MED16: variants seen among roughly 807,000 people sequenced by gnomAD.
MED16 encodes the protein mediator complex subunit 16.
MED16 carries 81 observed loss-of-function variants against 84.4 expected under a neutral mutation model. The ratio of observed to expected loss-of-function variants is 0.96; its 90% confidence interval spans 0.80 to 1.15. MED16 has a LOEUF of 1.15. Among genes scored for constraint, MED16 ranks in the 50% most tolerant of loss-of-function variants. MED16 has a pLI of 0.00. For missense variants in MED16, 1,585 were observed against 1,245.9 expected, an observed-to-expected ratio of 1.27 and a Z score of -4.10; for synonymous variants, 897 against 552.2, an observed-to-expected ratio of 1.62 and a Z score of -8.76.
At chr19:876,338 C>A (rs970533024) in intron 9 of MED16, among the ~76,000 whole-genome samples, 1 of 152,110 alleles carries the variant, frequency 6.6e-6, no homozygotes, top group South Asian at 2.1e-4. Flanking sequence ...TATCCGCTCC[C>A]TCCTCTCCTT....
intron 3 of MED16, 60 bp downstream of exon 3, chr19:890,077 G>T: frequency 7.6e-7 from 1 of 1,318,610 alleles, no homozygotes; most frequent in South Asian, 1.3e-5. Flanking sequence ...GAGAAACACA[G>T]GGCCCCCCTG....
chr19:882,282 AG>A (rs2036436405), intron 6 of MED16, among the ~76,000 whole-genome samples: 1 of 152,258 alleles, frequency 6.6e-6, no homozygotes, highest in Non-Finnish European at 1.5e-5. Context: ...CCAACGCCAG[AG>A]GATGGCTTGA....
intron 12 of MED16, 199 bp downstream of exon 12, chr19:871,727 G>A (rs1166323583): frequency 3.5e-5 from 41 of 1,164,178 alleles, no homozygotes; most frequent in Middle Eastern, 2.2e-4. Context: ...TTCTGGCGGG[G>A]GGCTCAGGCA....
chr19:871,586 G>C, intron 12 of MED16: 1 of 1,595,860 alleles, frequency 6.3e-7, no homozygotes, highest in Non-Finnish European at 8.5e-7. Context: ...ACCCGACAAG[G>C]AGAGACAGCA....
chr19:870,922 C>CG (rs2036033898), intron 13 of MED16, 115 bp downstream of exon 13: 2 of 948,890 alleles, frequency 2.1e-6, no homozygotes, highest in South Asian at 1.7e-5. Context: ...CGTGTGGATT[C>CG]GGGGGGACCT....
intron 3 of MED16, 65 bp from the exon 4 acceptor site, chr19:889,872 G>A (rs2036598741): frequency 3.8e-5 from 57 of 1,514,590 alleles, no homozygotes; most frequent in Non-Finnish European, 5.0e-5. Flanking sequence ...TTGCAGGACG[G>A]CACAGCGCCT....
intron 8 of MED16, 128 bp from the exon 9 acceptor site, chr19:877,308 G>T: frequency 1.2e-6 from 1 of 805,386 alleles, no homozygotes; most frequent in Non-Finnish European, 2.0e-6. Flanking sequence ...GTGTGGGCCT[G>T]TGTGCGCGCA....
intron 10 of MED16, 125 bp from the exon 11 acceptor site, chr19:873,707 A>G: frequency 8.8e-7 from 1 of 1,142,058 alleles, no homozygotes; most frequent in East Asian, 2.4e-5. Flanking sequence ...GGGGACCCAC[A>G]CCGGGAACGA....
intron 6 of MED16, among the ~76,000 whole-genome samples, chr19:883,379 G>T (rs1004128135): frequency 6.9e-6 from 1 of 145,640 alleles, no homozygotes. Context: ...GGGGTGGTGG[G>T]TGAAGAGCTG....
chr19:875,169 A>T, intron 10 of MED16, 75 bp downstream of exon 10: 1 of 1,056,064 alleles, frequency 9.5e-7, no homozygotes, highest in South Asian at 2.0e-5. Context: ...ATCTCAAAAG[A>T]GTAAAAAAAA....
At chr19:884,800 G>A (rs955561863) in intron 6 of MED16, 103 bp downstream of exon 6, 5 of 901,224 alleles carry the variant, frequency 5.5e-6, no homozygotes, top group African/African-American at 1.6e-5. Context: ...TAGGGCCGGG[G>A]TTCAGGACCA....
At chr19:878,928 G>GGCCCCA (rs1196827168) in intron 8 of MED16, among the ~76,000 whole-genome samples, 4 of 21,226 alleles carry the variant, frequency 1.9e-4, no homozygotes, top group African/African-American at 1.1e-3. Flanking sequence ...CCCCGGCCCC[G>GGCCCCA]GCCCCGGCCC....
chr19:877,415 C>G (rs55939330), intron 8 of MED16, among the ~76,000 whole-genome samples: 1 of 152,088 alleles, frequency 6.6e-6, no homozygotes, highest in African/African-American at 2.4e-5. Context: ...CACTGGATGC[C>G]GAGCCAGGCT....
intron 1 of MED16, among the ~76,000 whole-genome samples, chr19:891,385 G>A (rs958548102): frequency 6.6e-6 from 1 of 152,200 alleles, no homozygotes. Context: ...GGGAGGGCTG[G>A]GACCTATTTG....
At chr19:883,056 A>ACC (rs1213351057) in intron 6 of MED16, among the ~76,000 whole-genome samples, 2 of 152,064 alleles carry the variant, frequency 1.3e-5, no homozygotes, top group African/African-American at 4.8e-5. Context: ...TGACGACCAC[A>ACC]CCCCCAGCTA....
intron 8 of MED16, among the ~76,000 whole-genome samples, chr19:877,797 C>G (rs1368057054): frequency 6.0e-5 from 7 of 117,000 alleles, no homozygotes; most frequent in Non-Finnish European, 1.1e-4. Flanking sequence ...GCCCCAGCCC[C>G]ACGTGCCCCA....
intron 7 of MED16, among the ~76,000 whole-genome samples, chr19:880,990 G>A (rs1282809220): frequency 1.3e-5 from 2 of 152,180 alleles, no homozygotes; most frequent in African/African-American, 2.4e-5. Flanking sequence ...TTTTGGAGCA[G>A]GGAACTGCAT....
intron 6 of MED16, among the ~76,000 whole-genome samples, chr19:883,748 G>A (rs1010626925): frequency 6.6e-6 from 1 of 152,136 alleles, no homozygotes; most frequent in Admixed American, 6.5e-5. Context: ...GGCAGTGAAG[G>A]TGCAGGTCTG....
chr19:892,872 T>TGAGCCCCGAGCCCC (rs553768614), intron 1 of MED16: 7 of 103,070 alleles, frequency 6.8e-5, no homozygotes, highest in African/African-American at 2.2e-4. Context: ...CCGCAAACCC[T>TGAGCCCCGAGCCCC]GAGCCCCGAG....
Sources: allele counts gnomAD v4.1 joint callset (sites outside exome capture counted in the v4.1 genomes callset), GRCh38; gene constraint gnomAD v4.1.1; transcripts MANE v1.5; gene names NCBI Gene and HGNC (gene_info 2026-07-23, HGNC 2026-07-21).